Variants in GABRG3 observed in about 807,000 individuals in gnomAD.
GABRG3 encodes gamma-aminobutyric acid receptor subunit gamma-3.
In GABRG3, 25 loss-of-function variants were observed where a neutral mutation model predicts 48.8. The ratio of observed to expected loss-of-function variants is 0.51; its 90% CI spans 0.37 to 0.72. GABRG3 has a LOEUF of 0.72. Among genes scored for constraint, GABRG3 ranks in the 30% least tolerant of loss-of-function variants. GABRG3 has a pLI of 0.00. For missense variants in GABRG3, 394 were observed against 577.9 expected, an observed-to-expected ratio of 0.68 and a Z score of 3.26; for synonymous variants, 227 against 217.6, an observed-to-expected ratio of 1.04 and a Z score of -0.38.
At chr15:27,052,293 G>T (rs965910701) in intron 3 of GABRG3, among the ~76,000 whole-genome samples, 1 of 152,170 alleles carries the variant, frequency 6.6e-6, no homozygotes, top group Admixed American at 6.5e-5. Flanking sequence ...TCACCTTGGG[G>T]GGGTGCTGTC....
At chr15:27,062,794 T>G (rs1184654522) in intron 3 of GABRG3, among the ~76,000 whole-genome samples, 2 of 152,226 alleles carry the variant, frequency 1.3e-5, no homozygotes, top group Non-Finnish European at 2.9e-5. Context: ...TACTAGTTAA[T>G]GCTCCATTAA....
chr15:27,510,102 C>G (rs1890860663), intron 6 of GABRG3, among the ~76,000 whole-genome samples: 1 of 152,176 alleles, frequency 6.6e-6, no homozygotes, highest in African/African-American at 2.4e-5. Context: ...AGTTTTGACT[C>G]TTCCCCTTGC....
At chr15:27,407,718 T>C (rs1044929072) in intron 5 of GABRG3, among the ~76,000 whole-genome samples, 1 of 152,200 alleles carries the variant, frequency 6.6e-6, no homozygotes, top group African/African-American at 2.4e-5. Flanking sequence ...GAAAGGGCTA[T>C]AACTGTATGA....
chr15:27,142,922 T>G (rs1474231843), intron 3 of GABRG3, among the ~76,000 whole-genome samples: 3 of 151,990 alleles, frequency 2.0e-5, no homozygotes, highest in Admixed American at 1.3e-4. Flanking sequence ...ATCTGGCTAA[T>G]TTTTGTAGTA....
intron 2 of GABRG3, among the ~76,000 whole-genome samples, chr15:27,006,160 C>CT (rs970116237): frequency 1.4e-5 from 2 of 143,938 alleles, no homozygotes; most frequent in Non-Finnish European, 3.0e-5. Context: ...TTCAATAAAA[C>CT]TTTTTTTTAC....
At chr15:27,198,406 C>T (rs1888575843) in intron 3 of GABRG3, among the ~76,000 whole-genome samples, 1 of 152,210 alleles carries the variant, frequency 6.6e-6, no homozygotes, top group Non-Finnish European at 1.5e-5. Context: ...AGATCATCAT[C>T]ACTGGTCATT....
At chr15:27,107,356 C>T (rs1314071892) in intron 3 of GABRG3, among the ~76,000 whole-genome samples, 2 of 151,950 alleles carry the variant, frequency 1.3e-5, no homozygotes, top group African/African-American at 2.4e-5. Flanking sequence ...TGGTGATTTA[C>T]ATTGATTTAT....
intron 5 of GABRG3, among the ~76,000 whole-genome samples, chr15:27,460,843 C>T (rs1451001287): frequency 6.6e-6 from 1 of 152,100 alleles, no homozygotes; most frequent in African/African-American, 2.4e-5. Flanking sequence ...GCCTTCCAGC[C>T]CATCCATTTG....
rs546595721 is a variant in GABRG3 at position 27,251,855 on chromosome 15, C to T, written c.271-74954C>T. On this transcript the variant is annotated intron_variant, in intron 3 of 9. Transcript: ENST00000615808. ...GGAGGCTTTCTCTGCTGGGTCCTACCCCCTGTCTCTGCCTCTGCCGCCTCT... is the reference window on the plus strand; with the variant it reads ...GGAGGCTTTCTCTGCTGGGTCCTACTCCCTGTCTCTGCCTCTGCCGCCTCT... Among the ~76,000 whole-genome samples the T allele has an allele frequency of 1.1e-3, 169 of 152,260 alleles. 1 individual carries two copies. The highest frequency in any genetic ancestry group is 1.8e-3 in the Non-Finnish European group (125 of 68,032).
chr15:27,237,995 AAGG>A (rs1259858496), intron 3 of GABRG3, among the ~76,000 whole-genome samples: 1 of 152,206 alleles, frequency 6.6e-6, no homozygotes, highest in Non-Finnish European at 1.5e-5. Context: ...AGAAGGAAAG[AAGG>A]AGAAGGTGAG....
intron 5 of GABRG3, among the ~76,000 whole-genome samples, chr15:27,393,163 T>A (rs1395918555): frequency 6.6e-6 from 1 of 151,810 alleles, no homozygotes; most frequent in Admixed American, 6.6e-5. Flanking sequence ...GGCAACACGG[T>A]GAAACCCCAT....
At chr15:27,068,570 A>G (rs1595504533) in intron 3 of GABRG3, among the ~76,000 whole-genome samples, 2 of 152,362 alleles carry the variant, frequency 1.3e-5, no homozygotes, top group East Asian at 3.9e-4. Flanking sequence ...GCCAGTTAGC[A>G]AAGGAGATAT....
chr15:27,091,631 C>G (rs1264824015), intron 3 of GABRG3, among the ~76,000 whole-genome samples: 2 of 152,190 alleles, frequency 1.3e-5, no homozygotes, highest in African/African-American at 4.8e-5. Flanking sequence ...ACTGATTCAA[C>G]CTCGCTGTTT....
intron 9 of GABRG3, 64 bp from the exon 10 acceptor site, chr15:27,532,536 A>G: frequency 1.3e-6 from 2 of 1,516,600 alleles, no homozygotes; most frequent in South Asian, 1.3e-5. Flanking sequence ...CTACTGCTTC[A>G]TACACCTCAG....
At chr15:27,437,021 G>GAGAGAA (rs1298518385) in intron 5 of GABRG3, among the ~76,000 whole-genome samples, 2 of 151,710 alleles carry the variant, frequency 1.3e-5, no homozygotes, top group Admixed American at 1.3e-4. Flanking sequence ...GAGAGAGAGA[G>GAGAGAA]AGAGAGAGAG....
chr15:27,356,067 T>C (rs534287444), intron 5 of GABRG3, among the ~76,000 whole-genome samples: 1 of 152,344 alleles, frequency 6.6e-6, no homozygotes, highest in South Asian at 2.1e-4. Flanking sequence ...TGTCTACTTT[T>C]AAAGGGCGAC....
chr15:27,411,706 A>G (rs370965442), intron 5 of GABRG3, among the ~76,000 whole-genome samples: 2 of 152,120 alleles, frequency 1.3e-5, no homozygotes, highest in African/African-American at 2.4e-5. Context: ...AGTGGTTGCC[A>G]TAGGATTTAC....
chr15:27,298,078 G>A (rs921426558), intron 3 of GABRG3, among the ~76,000 whole-genome samples: 1 of 151,936 alleles, frequency 6.6e-6, no homozygotes, highest in African/African-American at 2.4e-5. Flanking sequence ...AAAAACATAC[G>A]AATGATGTAA....
chr15:27,313,914 C>T (rs1049935922), intron 3 of GABRG3, among the ~76,000 whole-genome samples: 5 of 151,388 alleles, frequency 3.3e-5, no homozygotes, highest in East Asian at 1.9e-4. Context: ...CATCTCAAGG[C>T]GCTAGAAGAA....
Sources: allele counts gnomAD v4.1 joint callset (sites outside exome capture counted in the v4.1 genomes callset), GRCh38; gene constraint gnomAD v4.1.1; transcripts MANE v1.5; gene names NCBI Gene and HGNC (gene_info 2026-07-23, HGNC 2026-07-21).